Variants in GREB1L observed in about 807,000 individuals in gnomAD.
The protein encoded by GREB1L is GREB1 like retinoic acid receptor coactivator, also known as GREB1-like protein.
In GREB1L, 17 loss-of-function variants were observed where a neutral mutation model predicts 200.8. That is an observed-to-expected ratio of 0.08 (90% CI 0.06 to 0.13). The LOEUF (loss-of-function observed/expected upper bound fraction) is 0.13. GREB1L is among the 10% of genes least tolerant of loss of function. The pLI is 1.00. For synonymous variants in GREB1L, 789 were observed against 893.0 expected (o/e 0.88, Z 2.08); for missense variants, 1,657 against 2,367.7 (o/e 0.70, Z 6.23).
chr18:21,351,436 G>A (rs1248639947), intron 1 of GREB1L, among the ~76,000 whole-genome samples: 3 of 152,116 alleles, frequency 2.0e-5, no homozygotes, highest in African/African-American at 7.2e-5. Flanking sequence ...AGCAGGGCAT[G>A]GTGGCGCATG....
chr18:21,266,963 T>C (rs1306081030), intron 1 of GREB1L, among the ~76,000 whole-genome samples: 1 of 152,146 alleles, frequency 6.6e-6, no homozygotes, highest in East Asian at 1.9e-4. Flanking sequence ...AGACAGAGTC[T>C]CACTTTGTTT....
rs1326358193 is a variant in GREB1L, at chr18:21,384,374, C to T, written c.326C>T (p.Pro109Leu). Residue 109 changes from proline (P) to leucine (L), a missense_variant, in exon 4 of 33, where the codon CCT becomes CTT. Coordinates refer to ENST00000424526, the MANE Select transcript of GREB1L (RefSeq NM_001142966.3). ...CCACCAATTCCCTATTCACAAAAAC[C>T]TGCCCCAGAAGGATCTTGCACTACA... is the stretch of plus-strand genomic sequence containing the variant. ...NSPPIPYSQKPAPEGSCTTDG... is the reference protein window; with the variant it reads ...NSPPIPYSQKLAPEGSCTTDG... 6.4e-7 allele frequency: 1 copy of T among 1,551,702 alleles called. No individual in the cohort carries two copies. The highest frequency in any genetic ancestry group is 1.2e-5 in the South Asian group (1 of 83,944).
At chr18:21,265,656 G>C (rs1360650122) in intron 1 of GREB1L, among the ~76,000 whole-genome samples, 1 of 152,076 alleles carries the variant, frequency 6.6e-6, no homozygotes, top group Non-Finnish European at 1.5e-5. Flanking sequence ...CTTTGGGTTG[G>C]CTTTAGAACT....
At chr18:21,494,469 C>T (rs2036465099) in intron 19 of GREB1L, among the ~76,000 whole-genome samples, 1 of 152,074 alleles carries the variant, frequency 6.6e-6, no homozygotes, top group Non-Finnish European at 1.5e-5. Context: ...TTGTCTTTTG[C>T]TTGGTGACTT....
chr18:21,475,201 T>C (rs907397846), intron 16 of GREB1L, among the ~76,000 whole-genome samples: 1 of 152,180 alleles, frequency 6.6e-6, no homozygotes, highest in African/African-American at 2.4e-5. Context: ...ACCCCACTTT[T>C]CCATTTGGCC....
intron 4 of GREB1L, among the ~76,000 whole-genome samples, chr18:21,393,094 T>C (rs2040895418): frequency 6.6e-6 from 1 of 152,138 alleles, no homozygotes; most frequent in East Asian, 1.9e-4. Context: ...TTCATGGTGT[T>C]TTCTTTTTTA....
Position 21,388,874 on chromosome 18 carries a change from G to A in GREB1L, c.355+4471G>A, listed in dbSNP as rs148755646. ...TCATTTGATGTTTTTCTCCTTATTA[G>A]ATTGAGGTTATGGGATCTGGGGAGG... is the stretch of plus-strand genomic sequence containing the variant. On this transcript the variant is annotated intron_variant, in intron 4 of 32. Transcript: ENST00000424526. 1.4e-3 allele frequency among the ~76,000 whole-genome samples: 218 copies of A among 152,212 alleles called. 1 individual carries two copies. The highest frequency in any genetic ancestry group is 0.01 in the South Asian group (49 of 4,814).
Position 21,499,961 on chromosome 18 carries a change from C to A in GREB1L, c.3624C>A (p.Pro1208=). 1 of 1,551,412 alleles carries A rather than the reference C, an allele frequency of 6.4e-7. No homozygotes were observed. Among genetic ancestry groups the A allele is most frequent in the Non-Finnish European group, 8.7e-7 (1 of 1,146,904 alleles). Residue 1208 remains proline (P), a synonymous_variant, in exon 22 of 33, where the codon CCC becomes CCA. Transcript: ENST00000424526. ...AGCCGTCATCATCATCCTCAGGACC[C>A]AGGACCCTCCCATGGCCGGGACAGC... The part of the protein sequence containing the change: ...TSKPSSSSSG[P]RTLPWPGQPI...
chr18:21,500,214 C>A lies in GREB1L; in HGVS notation c.3877C>A (p.Gln1293Lys). 1.3e-6 allele frequency: 2 copies of A among 1,541,016 alleles called. No homozygotes were observed. The highest frequency in any genetic ancestry group is 1.8e-6 in the Non-Finnish European group (2 of 1,142,120). Residue 1293 changes from glutamine to lysine, a missense_variant, in exon 22 of 33, where the codon CAG becomes AAG. Physicochemically the swap from Gln to Lys is moderately conservative, Grantham distance 53. Coordinates refer to ENST00000424526, the MANE Select transcript of GREB1L (RefSeq NM_001142966.3). Reference sequence around the variant, plus strand: ...CTACAGGCAGTGGACCTTGGCCCGGCAGCACCACGCTGACTATAGCAACCA... The same window carrying A: ...CTACAGGCAGTGGACCTTGGCCCGGAAGCACCACGCTGACTATAGCAACCA... The part of the protein sequence containing the change: ...LYYRQWTLAR[Q>K]HHADYSNQLD...
At position 21,276,470 on chromosome 18, in the gene GREB1L, C is replaced by G. The variant is rs7236831; in HGVS notation, c.-120+34077C>G. Among the ~76,000 whole-genome samples, 1,218 of 152,294 alleles carry G rather than the reference C, an allele frequency of 8.0e-3. 27 individuals carry two copies. The highest frequency in any genetic ancestry group is 0.028 in the African/African-American group (1,171 of 41,556). On this transcript the variant is annotated intron_variant, in intron 1 of 32. Transcript: ENST00000424526. Reference sequence around the variant, plus strand: ...GAAATCTTACATGATTCCAAATAAGCTCCTCTCCAGTTACCTCTAAAGGGT... The same window carrying G: ...GAAATCTTACATGATTCCAAATAAGGTCCTCTCCAGTTACCTCTAAAGGGT...
At chr18:21,475,700 C>T (rs1273030143) in intron 16 of GREB1L, among the ~76,000 whole-genome samples, 1 of 151,794 alleles carries the variant, frequency 6.6e-6, no homozygotes, top group Non-Finnish European at 1.5e-5. Flanking sequence ...GGTGCGGTGG[C>T]TCACACCTAT....
intron 1 of GREB1L, among the ~76,000 whole-genome samples, chr18:21,310,270 G>A (rs1470554273): frequency 1.3e-5 from 2 of 152,140 alleles, no homozygotes; most frequent in Non-Finnish European, 2.9e-5. Context: ...GAAGCTGCAA[G>A]GTAAGTGTAT....
Position 21,490,324 on chromosome 18 carries a change from T to G in GREB1L, c.3003T>G (p.Val1001=), listed in dbSNP as rs2036282066. The G allele has an allele frequency of 2.1e-5, 33 of 1,551,628 alleles. No individual in the cohort carries two copies. The highest frequency in any genetic ancestry group is 2.8e-5 in the Non-Finnish European group (32 of 1,146,770). The change falls in exon 19 of 33, where the codon GTT becomes GTG. Residue 1001 remains valine (V), a synonymous_variant. Transcript: ENST00000424526. Reference sequence around the variant, plus strand: ...GGAACCCGGCCACCGAACTCAGTGTTGCAACTCACTTTGTGGCGCGATTAA... The same window carrying G: ...GGAACCCGGCCACCGAACTCAGTGTGGCAACTCACTTTGTGGCGCGATTAA... ...ILGNPATELS[V]ATHFVARLKS... is the part of the protein sequence containing the mutation.
chr18:21,310,778 T>C (rs2038777693), intron 1 of GREB1L, among the ~76,000 whole-genome samples: 1 of 152,208 alleles, frequency 6.6e-6, no homozygotes, highest in South Asian at 2.1e-4. Flanking sequence ...GTAATCATTC[T>C]CTCTGCTATA....
At chr18:21,280,225 T>G (rs903033273) in intron 1 of GREB1L, among the ~76,000 whole-genome samples, 4 of 152,218 alleles carry the variant, frequency 2.6e-5, no homozygotes, top group East Asian at 1.9e-4. Flanking sequence ...CCCTGTGAGT[T>G]CTGGGCAACC....
chr18:21,338,093 CTCTT>C (rs1393913647), intron 1 of GREB1L, among the ~76,000 whole-genome samples: 1 of 152,224 alleles, frequency 6.6e-6, no homozygotes, highest in African/African-American at 2.4e-5. Context: ...TTTGATCTCT[CTCTT>C]AATCCAAATA....
chr18:21,467,089 C>T (rs2035287818), intron 15 of GREB1L, among the ~76,000 whole-genome samples: 1 of 152,060 alleles, frequency 6.6e-6, no homozygotes, highest in African/African-American at 2.4e-5. Context: ...ACCTCACATA[C>T]AAAAAATAAC....
chr18:21,343,696 A>G (rs1420659617), intron 1 of GREB1L, among the ~76,000 whole-genome samples: 1 of 151,734 alleles, frequency 6.6e-6, no homozygotes, highest in Non-Finnish European at 1.5e-5. Context: ...CTACCTCTTA[A>G]TGAAACACAG....
intron 12 of GREB1L, 32 bp downstream of exon 12, chr18:21,449,868 A>G (rs759398527): frequency 1.4e-6 from 2 of 1,419,212 alleles, no homozygotes; most frequent in Non-Finnish European, 1.9e-6. Flanking sequence ...TGTTTGTTTA[A>G]TCAATTCATT....
Sources: allele counts gnomAD v4.1 joint callset (sites outside exome capture counted in the v4.1 genomes callset), GRCh38; gene constraint gnomAD v4.1.1; transcripts MANE v1.5; gene names NCBI Gene and HGNC (gene_info 2026-07-23, HGNC 2026-07-21).